SAMSN1: variants seen among roughly 807,000 people sequenced by gnomAD.
SAMSN1 encodes SAM domain-containing protein SAMSN-1.
A neutral mutation model predicts 42.0 loss-of-function variants in SAMSN1; 31 were observed. The ratio of observed to expected loss-of-function variants is 0.74; its 90% CI spans 0.55 to 1.00. The LOEUF is 1.00. Among genes scored for constraint, SAMSN1 ranks in the 50% least tolerant of loss-of-function variants. SAMSN1 has a pLI of 0.00. For missense variants in SAMSN1, 464 were observed against 439.4 expected (o/e 1.06, Z -0.50); for synonymous variants, 178 against 151.9 (o/e 1.17, Z -1.26).
intron 1 of SAMSN1, among the ~76,000 whole-genome samples, chr21:14,540,238 A>T (rs905201289): frequency 2.6e-5 from 4 of 152,238 alleles, no homozygotes; most frequent in African/African-American, 4.8e-5. Flanking sequence ...ATGGGCAAGG[A>T]CTTCATGTCT....
intron 2 of SAMSN1, among the ~76,000 whole-genome samples, chr21:14,629,210 C>T (rs1036947523): frequency 6.6e-6 from 1 of 152,090 alleles, no homozygotes; most frequent in Admixed American, 6.6e-5. Context: ...TTCTTCAAGC[C>T]CTAATACTAA....
intron 2 of SAMSN1, among the ~76,000 whole-genome samples, chr21:14,555,468 T>G (rs1429743478): frequency 6.6e-6 from 1 of 152,192 alleles, no homozygotes; most frequent in African/African-American, 2.4e-5. Context: ...CCTAACTATA[T>G]GAAACATATA....
At chr21:14,569,749 G>A (rs1981233148) in intron 2 of SAMSN1, among the ~76,000 whole-genome samples, 1 of 152,250 alleles carries the variant, frequency 6.6e-6, no homozygotes, top group East Asian at 1.9e-4. Context: ...TACAACTACT[G>A]TATTCCTGAT....
chr21:14,647,096 T>C (rs572298922), intron 1 of SAMSN1, among the ~76,000 whole-genome samples: 1 of 152,250 alleles, frequency 6.6e-6, no homozygotes, highest in Non-Finnish European at 1.5e-5. Context: ...GTAAATGAAC[T>C]AAAATCTCCA....
intron 2 of SAMSN1, chr21:14,582,069 T>C (rs1385688716): frequency 3.7e-6 from 5 of 1,365,172 alleles, no homozygotes; most frequent in Admixed American, 2.8e-5. Context: ...ACTTTTGCTA[T>C]CTGTTTCTTT....
chr21:14,491,083 C>A (rs1471248744), intron 7 of SAMSN1, among the ~76,000 whole-genome samples: 1 of 152,128 alleles, frequency 6.6e-6, no homozygotes, highest in African/African-American at 2.4e-5. Flanking sequence ...TTAAAACTGT[C>A]ACACATTATT....
intron 2 of SAMSN1, among the ~76,000 whole-genome samples, chr21:14,565,179 C>A (rs1214556321): frequency 6.6e-6 from 1 of 151,514 alleles, no homozygotes; most frequent in Non-Finnish European, 1.5e-5. Context: ...ACCTGTAATC[C>A]CAGCTACTCG....
intron 1 of SAMSN1, among the ~76,000 whole-genome samples, chr21:14,651,253 T>C (rs62786): frequency 0.77 from 116,484 of 151,604 alleles, 45,259 homozygotes; most frequent in Middle Eastern, 0.89. Flanking sequence ...AGGCCAATAT[T>C]TCTGATGAAT....
intron 2 of SAMSN1, among the ~76,000 whole-genome samples, chr21:14,640,480 T>C (rs1983568031): frequency 6.6e-6 from 1 of 152,124 alleles, no homozygotes. Flanking sequence ...TAATATTTTT[T>C]TCTGGTACTG....
Position 14,545,481 on chromosome 21 carries a change from G to A in SAMSN1, c.57+724C>T, listed in dbSNP as rs930290479. Among the ~76,000 whole-genome samples the A allele has an allele frequency of 3.3e-5, 5 of 152,076 alleles. No individual in the cohort carries two copies. The East Asian group carries it at 5.8e-4, about 18-fold the overall frequency. On this transcript the variant is annotated intron_variant, in intron 1 of 7. Transcript: ENST00000400566. Reference sequence around the variant, plus strand: ...GGTACTTTGTAAATAGTTGTTTTACGTTATTAATAAATCTAGAGTTCTACA... The same window carrying A: ...GGTACTTTGTAAATAGTTGTTTTACATTATTAATAAATCTAGAGTTCTACA...
At chr21:14,498,901 C>T (rs1329537612) in intron 6 of SAMSN1, among the ~76,000 whole-genome samples, 1 of 152,190 alleles carries the variant, frequency 6.6e-6, no homozygotes, top group South Asian at 2.1e-4. Flanking sequence ...TTTCACTTCT[C>T]AACTAACTAA....
chr21:14,649,991 A>G (rs1983804046), intron 1 of SAMSN1, among the ~76,000 whole-genome samples: 1 of 152,180 alleles, frequency 6.6e-6, no homozygotes, highest in Non-Finnish European at 1.5e-5. Flanking sequence ...AAGATGATAT[A>G]AACATTTTGA....
intron 5 of SAMSN1, among the ~76,000 whole-genome samples, chr21:14,508,216 T>C (rs981043679): frequency 6.6e-6 from 1 of 152,158 alleles, no homozygotes; most frequent in Non-Finnish European, 1.5e-5. Flanking sequence ...TGAGACTTAA[T>C]TAAACTAAAG....
chr21:14,622,368 G>T (rs557268701), intron 2 of SAMSN1, among the ~76,000 whole-genome samples: 2 of 152,166 alleles, frequency 1.3e-5, no homozygotes, highest in African/African-American at 4.8e-5. Context: ...AAGCTAAAAA[G>T]CTTGGGAAAA....
At chr21:14,519,482 C>A (rs1978327272) in intron 2 of SAMSN1, among the ~76,000 whole-genome samples, 1 of 151,714 alleles carries the variant, frequency 6.6e-6, no homozygotes. Context: ...TATACAGTTT[C>A]TCTCTCTCTC....
At chr21:14,554,009 C>T (rs898411824) in intron 2 of SAMSN1, among the ~76,000 whole-genome samples, 1 of 152,140 alleles carries the variant, frequency 6.6e-6, no homozygotes, top group African/African-American at 2.4e-5. Flanking sequence ...TTGATACTCT[C>T]ATTTTATTAT....
chr21:14,626,722 T>C (rs1360063326), intron 2 of SAMSN1, among the ~76,000 whole-genome samples: 1 of 152,230 alleles, frequency 6.6e-6, no homozygotes, highest in Non-Finnish European at 1.5e-5. Flanking sequence ...AGTGTGGCGA[T>C]TCCTCAGGGA....
intron 2 of SAMSN1, among the ~76,000 whole-genome samples, chr21:14,552,023 G>A (rs963600566): frequency 6.6e-6 from 1 of 152,090 alleles, no homozygotes; most frequent in African/African-American, 2.4e-5. Flanking sequence ...TGAGTTGCTG[G>A]CTTCTGGTTG....
intron 2 of SAMSN1, among the ~76,000 whole-genome samples, chr21:14,560,214 A>C (rs548021234): frequency 1.6e-4 from 25 of 152,316 alleles, no homozygotes; most frequent in Non-Finnish European, 3.2e-4. Flanking sequence ...ACATTTAGTG[A>C]AACAGGAATT....
Sources: allele counts gnomAD v4.1 joint callset (sites outside exome capture counted in the v4.1 genomes callset), GRCh38; gene constraint gnomAD v4.1.1; transcripts MANE v1.5; gene names NCBI Gene and HGNC (gene_info 2026-07-23, HGNC 2026-07-21).